Variants in JAKMIP2 observed in about 807,000 individuals in gnomAD.
The protein encoded by JAKMIP2 is janus kinase and microtubule-interacting protein 2.
A neutral mutation model predicts 115.0 loss-of-function variants in JAKMIP2; 25 were observed. The ratio of observed to expected loss-of-function variants is 0.22; its 90% CI spans 0.16 to 0.30. The LOEUF (loss-of-function observed/expected upper bound fraction) is 0.30. Among genes scored for constraint, JAKMIP2 ranks in the 10% least tolerant of loss-of-function variants. The pLI, the probability that JAKMIP2 is intolerant of heterozygous loss-of-function variation, is 1.00. For synonymous variants in JAKMIP2, 334 were observed against 343.6 expected, an observed-to-expected ratio of 0.97 and a Z score of 0.31; for missense variants, 642 against 957.6, an observed-to-expected ratio of 0.67 and a Z score of 4.35.
At chr5:147,752,698 G>T (rs1754601569) in intron 1 of JAKMIP2, among the ~76,000 whole-genome samples, 1 of 152,118 alleles carries the variant, frequency 6.6e-6, no homozygotes. Flanking sequence ...GGTGCGGGGT[G>T]GCACTATAGA....
intron 18 of JAKMIP2, among the ~76,000 whole-genome samples, chr5:147,618,806 C>G (rs1300792310): frequency 6.6e-6 from 1 of 152,112 alleles, no homozygotes; most frequent in African/African-American, 2.4e-5. Flanking sequence ...TTAAAGACAT[C>G]TACCACGGTG....
At chr5:147,711,101 A>G (rs1440800384) in intron 1 of JAKMIP2, among the ~76,000 whole-genome samples, 3 of 152,152 alleles carry the variant, frequency 2.0e-5, no homozygotes, top group Non-Finnish European at 4.4e-5. Flanking sequence ...TAACTTTTTA[A>G]TTTTTACTCT....
At chr5:147,628,350 A>G (rs2126677426) in intron 16 of JAKMIP2, among the ~76,000 whole-genome samples, 1 of 152,254 alleles carries the variant, frequency 6.6e-6, no homozygotes, top group Non-Finnish European at 1.5e-5. Flanking sequence ...ACTAAGCCAC[A>G]GGATCAGTTG....
At chr5:147,726,932 C>G (rs540878906) in intron 1 of JAKMIP2, among the ~76,000 whole-genome samples, 3 of 152,342 alleles carry the variant, frequency 2.0e-5, no homozygotes, top group Admixed American at 6.5e-5. Flanking sequence ...ATTGGCTGCT[C>G]TAGACTCCCT....
At chr5:147,653,561 T>A (rs1175444246) in intron 3 of JAKMIP2, among the ~76,000 whole-genome samples, 4 of 150,184 alleles carry the variant, frequency 2.7e-5, no homozygotes, top group African/African-American at 9.8e-5. Flanking sequence ...GTGGAGTTGT[T>A]TGCTTTTTCT....
At chr5:147,764,415 G>T (rs985766749) in intron 1 of JAKMIP2, among the ~76,000 whole-genome samples, 10 of 149,236 alleles carry the variant, frequency 6.7e-5, no homozygotes, top group Non-Finnish European at 1.5e-5. Context: ...CTAAATGTTG[G>T]GTCATAGATA....
intron 1 of JAKMIP2, among the ~76,000 whole-genome samples, chr5:147,754,713 C>G (rs1364857803): frequency 6.6e-6 from 1 of 152,150 alleles, no homozygotes; most frequent in Non-Finnish European, 1.5e-5. Context: ...TCAGTCTCCA[C>G]TTTTCATATT....
intron 1 of JAKMIP2, among the ~76,000 whole-genome samples, chr5:147,753,575 G>C (rs1247536583): frequency 6.6e-6 from 1 of 152,202 alleles, no homozygotes; most frequent in African/African-American, 2.4e-5. Context: ...AAGAGAAATT[G>C]AAAATCCAGT....
rs139481059 is a variant in JAKMIP2 at position 147,651,855 on chromosome 5, T to C, written c.628-1308A>G. 3.5e-3 allele frequency among the ~76,000 whole-genome samples: 540 copies of C among 152,326 alleles called. 6 individuals carry two copies. Among genetic ancestry groups the C allele is most frequent in the African/African-American group, 0.013 (528 of 41,574 alleles). On this transcript the variant is annotated intron_variant, in intron 3 of 21. Coordinates refer to ENST00000616793, the MANE Select transcript of JAKMIP2 (RefSeq NM_001270941.2). ...ATTGTCTTTGGTTTCCGTCTCCTTG[T>C]AGAAGACTTGAGACCTGTGTTTTTC...
intron 1 of JAKMIP2, among the ~76,000 whole-genome samples, chr5:147,721,397 G>T (rs1456203288): frequency 2.6e-5 from 4 of 152,262 alleles, no homozygotes; most frequent in Non-Finnish European, 4.4e-5. Context: ...CTTCGAGGCT[G>T]CTTTGTTTAC....
chr5:147,691,759 C>G (rs955263342), intron 1 of JAKMIP2, among the ~76,000 whole-genome samples: 3 of 152,060 alleles, frequency 2.0e-5, no homozygotes, highest in African/African-American at 7.3e-5. Flanking sequence ...GGAGGTAGAC[C>G]TGGAGCAAAG....
At chr5:147,623,795 A>G in intron 16 of JAKMIP2, 106 bp from the exon 17 acceptor site, 1 of 651,786 alleles carries the variant, frequency 1.5e-6, no homozygotes, top group Non-Finnish European at 2.7e-6. Flanking sequence ...TCTCAGGAAG[A>G]AGACTGAGAA....
chr5:147,764,939 AG>A (rs1561582459), intron 1 of JAKMIP2, among the ~76,000 whole-genome samples: 2 of 99,258 alleles, frequency 2.0e-5, no homozygotes, highest in East Asian at 3.4e-4. Flanking sequence ...AGAGAGAGAG[AG>A]AGAGAGGGAG....
chr5:147,715,087 T>G (rs1752919930), intron 1 of JAKMIP2, among the ~76,000 whole-genome samples: 1 of 152,004 alleles, frequency 6.6e-6, no homozygotes, highest in African/African-American at 2.4e-5. Context: ...CATAAATGTA[T>G]GTATTACAAT....
chr5:147,687,477 T>C (rs1760628620), intron 1 of JAKMIP2, among the ~76,000 whole-genome samples: 1 of 152,192 alleles, frequency 6.6e-6, no homozygotes, highest in Non-Finnish European at 1.5e-5. Context: ...AAGGGATGGC[T>C]AAACTGAGTC....
intron 1 of JAKMIP2, among the ~76,000 whole-genome samples, chr5:147,751,256 G>GTTGT (rs1754545478): frequency 7.6e-6 from 1 of 131,600 alleles, no homozygotes; most frequent in African/African-American, 2.8e-5. Flanking sequence ...TTTTGTTGTT[G>GTTGT]TTTTTTTTTT....
At chr5:147,675,552 C>T (rs1217934265) in intron 1 of JAKMIP2, among the ~76,000 whole-genome samples, 59 of 151,642 alleles carry the variant, frequency 3.9e-4, no homozygotes, top group Non-Finnish European at 5.9e-5. Context: ...ATGTACAATT[C>T]AGTGGTTTTT....
rs1754928254 is a variant in JAKMIP2, at chr5:147,587,586, G to T, written c.*4121C>A. On this transcript the variant is annotated 3_prime_UTR_variant, in exon 22 of 22. Transcript: ENST00000616793. The stretch of plus-strand genomic sequence containing the variant: ...ATTTAAACATCAACACAAAACCAAT[G>T]AATATTCTTTTTACAGTTTCTACAA... 6.6e-6 allele frequency: 1 copy of T among 152,090 alleles called. No homozygotes were observed. The highest frequency in any genetic ancestry group is 2.4e-5 in the African/African-American group (1 of 41,422). The allele number at this position is 152,090 out of a possible 1,614,324, so 9.4% of individuals were successfully genotyped here.
At chr5:147,772,655 G>A (rs1438294217) in intron 1 of JAKMIP2, among the ~76,000 whole-genome samples, 1 of 151,534 alleles carries the variant, frequency 6.6e-6, no homozygotes, top group African/African-American at 2.4e-5. Flanking sequence ...AGCATATATT[G>A]CTTTGTACTA....
Sources: allele counts gnomAD v4.1 joint callset (sites outside exome capture counted in the v4.1 genomes callset), GRCh38; gene constraint gnomAD v4.1.1; transcripts MANE v1.5; gene names NCBI Gene and HGNC (gene_info 2026-07-23, HGNC 2026-07-21).